Variants in FAM114A1 observed in about 807,000 individuals in gnomAD.
The protein encoded by FAM114A1 is family with sequence similarity 114 member A1.
FAM114A1 carries 62 observed loss-of-function variants against 64.3 expected under a neutral mutation model. The ratio of observed to expected loss-of-function variants is 0.96; its 90% CI spans 0.79 to 1.19. FAM114A1 has a LOEUF of 1.19. FAM114A1 is among the 50% of genes most tolerant of loss of function. The pLI, the probability that FAM114A1 is intolerant of heterozygous loss-of-function variation, is 0.00. For missense variants in FAM114A1, 645 were observed against 676.3 expected (o/e 0.95, Z 0.51); for synonymous variants, 254 against 251.1 (o/e 1.01, Z -0.11).
intron 3 of FAM114A1, among the ~76,000 whole-genome samples, chr4:38,883,969 G>T (rs1715551050): frequency 6.6e-6 from 1 of 152,132 alleles, no homozygotes; most frequent in South Asian, 2.1e-4. Context: ...AGATTCCTGG[G>T]CTCTACCCTA....
chr4:38,910,202 G>T (rs1052794098), intron 7 of FAM114A1, among the ~76,000 whole-genome samples: 14 of 151,726 alleles, frequency 9.2e-5, no homozygotes, highest in Admixed American at 8.5e-4. Context: ...TTGTGCCACT[G>T]CACTCTAGCC....
At chr4:38,918,860 C>T (rs532643832) in intron 8 of FAM114A1, among the ~76,000 whole-genome samples, 15 of 151,886 alleles carry the variant, frequency 9.9e-5, no homozygotes, top group African/African-American at 2.9e-4. Context: ...GATGTAAAAC[C>T]GGGTGAGCTG....
rs142282223 is a variant in FAM114A1, at chr4:38,918,785, C to G, written c.945+3712C>G. ...ACTAGCCTGACCAACATGGCAAAAC[C>G]CTGTCTCAAATAAAAATACAAAAAT... On this transcript the variant is annotated intron_variant, in intron 8 of 14. Coordinates refer to ENST00000358869, the MANE Select transcript of FAM114A1 (RefSeq NM_138389.4). Among the ~76,000 whole-genome samples the G allele has an allele frequency of 3.2e-3, 482 of 152,220 alleles. 3 individuals carry two copies. The highest frequency in any genetic ancestry group is 0.011 in the African/African-American group (456 of 41,534).
At chr4:38,933,052 C>T (rs561236338) in intron 12 of FAM114A1, among the ~76,000 whole-genome samples, 143 of 152,146 alleles carry the variant, frequency 9.4e-4, no homozygotes, top group Middle Eastern at 3.4e-3. Flanking sequence ...CGGGTTTTCA[C>T]CATGTTGGCC....
chr4:38,893,916 A>G (rs552274914), intron 4 of FAM114A1, among the ~76,000 whole-genome samples: 3 of 152,234 alleles, frequency 2.0e-5, no homozygotes, highest in South Asian at 2.1e-4. Context: ...TAATCCCGGC[A>G]CTTTGGGAGG....
chr4:38,935,871 T>C (rs1023288033), intron 13 of FAM114A1, 81 bp downstream of exon 13: 19 of 979,080 alleles, frequency 1.9e-5, no homozygotes, highest in Non-Finnish European at 2.9e-5. Flanking sequence ...CAGCGCCTTC[T>C]TTAGTAGCTC....
Position 38,895,915 on chromosome 4 carries a change from C to G in FAM114A1, c.436+4085C>G, listed in dbSNP as rs1716885645. ...ACAGTATTATGATCTTATGGGACCACTGTCATAGATGTGGCCCGTCGTTGA... is the reference window on the plus strand; with the variant it reads ...ACAGTATTATGATCTTATGGGACCAGTGTCATAGATGTGGCCCGTCGTTGA... On this transcript the variant is annotated intron_variant, in intron 4 of 14. Transcript: ENST00000358869. Among the ~76,000 whole-genome samples, 4 of 152,286 alleles carry G rather than the reference C, an allele frequency of 2.6e-5. No homozygotes were observed. The South Asian group carries it at 8.3e-4, about 32-fold the overall frequency.
chr4:38,899,928 T>C (rs1419459414), intron 4 of FAM114A1, among the ~76,000 whole-genome samples: 1 of 152,182 alleles, frequency 6.6e-6, no homozygotes, highest in South Asian at 2.1e-4. Flanking sequence ...CAGGCCTTAC[T>C]TATTTCCACA....
At chr4:38,897,355 G>A (rs2109633715) in intron 4 of FAM114A1, among the ~76,000 whole-genome samples, 1 of 152,288 alleles carries the variant, frequency 6.6e-6, no homozygotes, top group Admixed American at 6.5e-5. Flanking sequence ...TGCCCACTGT[G>A]CTAAGTGGAA....
intron 2 of FAM114A1, among the ~76,000 whole-genome samples, chr4:38,871,086 C>CTTTTTTT (rs9306968): frequency 1.1e-5 from 1 of 94,004 alleles, no homozygotes; most frequent in Non-Finnish European, 2.0e-5. Context: ...TTTTTTCTTT[C>CTTTTTTT]TTTTTTTTTT....
intron 14 of FAM114A1, 69 bp downstream of exon 14, chr4:38,941,090 T>TTC: frequency 7.4e-7 from 1 of 1,357,484 alleles, no homozygotes; most frequent in South Asian, 1.3e-5. Context: ...TTTTTTTTTT[T>TTC]GCCTTTCTTC....
intron 2 of FAM114A1, among the ~76,000 whole-genome samples, chr4:38,872,982 A>G (rs1053145045): frequency 2.0e-5 from 3 of 152,228 alleles, no homozygotes; most frequent in Admixed American, 6.5e-5. Flanking sequence ...TTTCACAAAG[A>G]TTTTGTAAAC....
intron 4 of FAM114A1, among the ~76,000 whole-genome samples, chr4:38,902,331 G>T (rs1192496625): frequency 6.6e-6 from 1 of 152,108 alleles, no homozygotes; most frequent in African/African-American, 2.4e-5. Flanking sequence ...ATAAATGTCG[G>T]CCATAGCAGA....
At chr4:38,903,197 G>A (rs767889926) in intron 4 of FAM114A1, among the ~76,000 whole-genome samples, 16 of 152,104 alleles carry the variant, frequency 1.1e-4, no homozygotes, top group Non-Finnish European at 1.9e-4. Flanking sequence ...ACATAAAATC[G>A]TATTTCCTTC....
chr4:38,880,460 T>C (rs1460850926), intron 3 of FAM114A1, among the ~76,000 whole-genome samples: 1 of 152,158 alleles, frequency 6.6e-6, no homozygotes, highest in Admixed American at 6.5e-5. Flanking sequence ...TTTCATCCAT[T>C]GATCTTAGAA....
Position 38,929,378 on chromosome 4 carries a change from G to A in FAM114A1, c.1161+45G>A, listed in dbSNP as rs370970875. ...TAGTTTCTGGTTAAAAAAAAACAGT[G>A]CAGGGGAGAGTCTCTGTTGTAAAGT... On this transcript the variant is annotated intron_variant, in intron 10 of 14. Coordinates refer to ENST00000358869, the MANE Select transcript of FAM114A1 (RefSeq NM_138389.4). 12 of 1,319,948 alleles carry A rather than the reference G, an allele frequency of 9.1e-6. No homozygotes were observed. The Admixed American group carries it at 1.3e-4, about 14-fold the overall frequency. 81.8% of individuals were successfully genotyped at this position (1,319,948 alleles called of 1,614,324 possible). A position where few individuals can be genotyped will look rare whatever the true frequency, so the allele number is the denominator to read the frequency against.
intron 12 of FAM114A1, among the ~76,000 whole-genome samples, chr4:38,934,675 A>C (rs1032562021): frequency 2.6e-5 from 4 of 152,210 alleles, no homozygotes; most frequent in African/African-American, 9.7e-5. Flanking sequence ...TAGTGTTAGG[A>C]TAAATGTTGT....
At chr4:38,903,519 A>G (rs1022672201) in intron 4 of FAM114A1, among the ~76,000 whole-genome samples, 1 of 152,136 alleles carries the variant, frequency 6.6e-6, no homozygotes, top group Non-Finnish European at 1.5e-5. Context: ...GACGAGAATC[A>G]TAGGTTGAGA....
intron 9 of FAM114A1, among the ~76,000 whole-genome samples, chr4:38,927,397 C>T (rs1217894234): frequency 1.3e-5 from 2 of 152,130 alleles, no homozygotes; most frequent in African/African-American, 4.8e-5. Flanking sequence ...TAGCTGTGTC[C>T]TTACATGGTG....
Sources: gnomAD v4.1 joint callset for allele counts (sites outside exome capture counted in the v4.1 genomes callset) on GRCh38, gnomAD v4.1.1 for gene constraint, MANE v1.5 for transcripts, NCBI Gene and HGNC (gene_info 2026-07-23, HGNC 2026-07-21) for gene names.